The following GRID2 variants were observed in gnomAD, a reference collection of about 807,000 sequenced individuals.
The protein encoded by GRID2 is glutamate receptor ionotropic, delta-2.
Under a neutral mutation model 114.8 loss-of-function variants are expected in GRID2, and 33 were observed. The ratio of observed to expected loss-of-function variants is 0.29; its 90% CI spans 0.22 to 0.38. The LOEUF (loss-of-function observed/expected upper bound fraction) is 0.38. Among genes scored for constraint, GRID2 ranks in the 10% least tolerant of loss-of-function variants. The pLI is 1.00. For synonymous variants in GRID2, 505 were observed against 449.9 expected (o/e 1.12, Z -1.55); for missense variants, 1,184 against 1,257.7 (o/e 0.94, Z 0.89).
intron 8 of GRID2, among the ~76,000 whole-genome samples, chr4:93,254,821 GA>G (rs1046446164): frequency 2.0e-5 from 3 of 152,072 alleles, no homozygotes; most frequent in African/African-American, 7.2e-5. Context: ...AGGCAAATTG[GA>G]AATTGGATAA....
chr4:92,735,574 C>T (rs578203482), intron 2 of GRID2, among the ~76,000 whole-genome samples: 5 of 152,064 alleles, frequency 3.3e-5, no homozygotes, highest in East Asian at 1.9e-4. Flanking sequence ...ATCTTCTTTA[C>T]GTAAAGATTT....
rs574528593 is a variant in GRID2, at chr4:92,732,772, A to C, written c.244+142486A>C. On this transcript the variant is annotated intron_variant, in intron 2 of 15. Coordinates refer to ENST00000282020, the MANE Select transcript of GRID2 (RefSeq NM_001510.4). ...ATCTAACAGAAACAGGAGAACATAC[A>C]GCTTTTTCATATATGTATGCTTGTC... Among the ~76,000 whole-genome samples, 4 of 152,200 alleles carry C rather than the reference A, an allele frequency of 2.6e-5. No individual in the cohort carries two copies. The East Asian group carries it at 7.7e-4, about 29-fold the overall frequency.
At chr4:93,241,962 A>G (rs964162827) in intron 8 of GRID2, among the ~76,000 whole-genome samples, 1 of 151,846 alleles carries the variant, frequency 6.6e-6, no homozygotes, top group African/African-American at 2.4e-5. Context: ...AAGAAAGGTG[A>G]TAATTGATAG....
At chr4:92,581,237 T>C (rs576359537) in intron 1 of GRID2, among the ~76,000 whole-genome samples, 1 of 151,718 alleles carries the variant, frequency 6.6e-6, no homozygotes, top group African/African-American at 2.4e-5. Context: ...AAGTACTCTT[T>C]AAAAAATTGC....
At position 93,651,553 on chromosome 4, in the gene GRID2, C is replaced by T. The variant is rs1722583721; in HGVS notation, c.2360+25118C>T. On this transcript the variant is annotated intron_variant, in intron 14 of 15. Coordinates refer to ENST00000282020, the MANE Select transcript of GRID2 (RefSeq NM_001510.4). ...AGAGCATTTAATGGGGATCTTGCAT[C>T]ACCTCAATATTCCCACTTGTATGCC... is the stretch of plus-strand genomic sequence containing the variant. 3.3e-5 allele frequency among the ~76,000 whole-genome samples: 5 copies of T among 152,154 alleles called. No homozygotes were observed. The South Asian group carries it at 1.0e-3, about 31-fold the overall frequency.
chr4:92,462,260 A>G (rs890974813), intron 1 of GRID2, among the ~76,000 whole-genome samples: 3 of 152,046 alleles, frequency 2.0e-5, no homozygotes, highest in Non-Finnish European at 2.9e-5. Flanking sequence ...GTAGTTGCCT[A>G]CGCATCACAG....
At chr4:93,725,716 C>T (rs1481889012) in intron 14 of GRID2, among the ~76,000 whole-genome samples, 1 of 151,680 alleles carries the variant, frequency 6.6e-6, no homozygotes, top group Non-Finnish European at 1.5e-5. Flanking sequence ...TTTTGATTTG[C>T]ATTTCTCTGA....
chr4:93,455,523 T>C, intron 10 of GRID2, 139 bp from the exon 11 acceptor site: 1 of 619,508 alleles, frequency 1.6e-6, no homozygotes, highest in Non-Finnish European at 2.9e-6. Flanking sequence ...GTAAGAAGTC[T>C]ATGCAGTGTT....
chr4:93,332,289 T>TGAGAGAGA (rs1242670317), intron 8 of GRID2, among the ~76,000 whole-genome samples: 13 of 110,768 alleles, frequency 1.2e-4, no homozygotes, highest in African/African-American at 5.6e-4. Context: ...TGTGTGTGTG[T>TGAGAGAGA]GTGTGTGTGT....
At chr4:93,398,400 C>T (rs550531524) in intron 9 of GRID2, among the ~76,000 whole-genome samples, 1 of 151,174 alleles carries the variant, frequency 6.6e-6, no homozygotes, top group Admixed American at 6.6e-5. Flanking sequence ...TAGACGTTAA[C>T]CCCTTCCCTC....
At chr4:92,807,373 CT>C (rs1285682691) in intron 2 of GRID2, among the ~76,000 whole-genome samples, 1 of 151,652 alleles carries the variant, frequency 6.6e-6, no homozygotes, top group African/African-American at 2.4e-5. Flanking sequence ...AAGTTTGTAC[CT>C]TTTTTATATT....
At chr4:93,345,067 G>C (rs149201269) in intron 8 of GRID2, among the ~76,000 whole-genome samples, 1 of 150,020 alleles carries the variant, frequency 6.7e-6, no homozygotes, top group Non-Finnish European at 1.5e-5. Flanking sequence ...GAACACTTAG[G>C]TTGGCTGATT....
At chr4:92,598,727 A>G (rs189895298) in intron 2 of GRID2, among the ~76,000 whole-genome samples, 1 of 152,298 alleles carries the variant, frequency 6.6e-6, no homozygotes, top group East Asian at 1.9e-4. Context: ...ATTATTGTGT[A>G]ATGATTATAT....
chr4:93,279,490 T>TC (rs1187649119), intron 8 of GRID2, among the ~76,000 whole-genome samples: 1 of 151,880 alleles, frequency 6.6e-6, no homozygotes, highest in Non-Finnish European at 1.5e-5. Flanking sequence ...AGGTTTTTTT[T>TC]CAGCATTATT....
At chr4:93,467,077 C>G (rs566474425) in intron 11 of GRID2, among the ~76,000 whole-genome samples, 2 of 152,036 alleles carry the variant, frequency 1.3e-5, no homozygotes, top group African/African-American at 2.4e-5. Context: ...TATACCATGC[C>G]GGATCTGAAA....
At chr4:92,304,920 G>C (rs1247291996) in intron 1 of GRID2, among the ~76,000 whole-genome samples, 176 bp downstream of exon 1, 2 of 152,124 alleles carry the variant, frequency 1.3e-5, no homozygotes, top group African/African-American at 4.8e-5. Context: ...GGATGTGGAT[G>C]CTCGAACCTC....
At chr4:93,367,204 G>T (rs200877739) in intron 8 of GRID2, among the ~76,000 whole-genome samples, 17 of 132,450 alleles carry the variant, frequency 1.3e-4, no homozygotes, top group South Asian at 7.3e-4. Context: ...TTTTTTTTAA[G>T]TTTTTTTTTT....
At chr4:92,809,834 GTA>G (rs1740585208) in intron 2 of GRID2, among the ~76,000 whole-genome samples, 1 of 151,920 alleles carries the variant, frequency 6.6e-6, no homozygotes, top group Non-Finnish European at 1.5e-5. Flanking sequence ...ATCTAAAAAT[GTA>G]TAGTTTATGT....
chr4:92,588,962 C>T (rs781383296), intron 1 of GRID2, among the ~76,000 whole-genome samples: 6 of 151,316 alleles, frequency 4.0e-5, no homozygotes, highest in Non-Finnish European at 7.4e-5. Context: ...AAAAAATAGC[C>T]GAGTGTGTTC....
Sources: allele counts gnomAD v4.1 joint callset (sites outside exome capture counted in the v4.1 genomes callset), GRCh38; gene constraint gnomAD v4.1.1; transcripts MANE v1.5; gene names NCBI Gene and HGNC (gene_info 2026-07-23, HGNC 2026-07-21).